Variants in GRID2 observed in about 807,000 individuals in gnomAD.
The protein encoded by GRID2 is glutamate ionotropic receptor delta type subunit 2.
Under a neutral mutation model 114.8 loss-of-function variants are expected in GRID2, and 33 were observed. That is an observed-to-expected ratio of 0.29 (90% confidence interval 0.22 to 0.38). The LOEUF is 0.38. Ranked by LOEUF, GRID2 falls within the 10% of genes least tolerant of loss-of-function variation. The pLI, the probability that GRID2 is intolerant of heterozygous loss-of-function variation, is 1.00. For synonymous variants in GRID2, 505 were observed against 449.9 expected, an observed-to-expected ratio of 1.12 and a Z score of -1.55; for missense variants, 1,184 against 1,257.7, an observed-to-expected ratio of 0.94 and a Z score of 0.89.
Position 92,456,880 on chromosome 4 carries a change from G to T in GRID2, c.89-133251G>T, listed in dbSNP as rs78433154. On this transcript the variant is annotated intron_variant, in intron 1 of 15. Transcript: ENST00000282020. ...CCTTTCTTGTGTACCTTAGACACACGTGCATTTTTCTTCTTAAATAACAGG... is the reference window on the plus strand; with the variant it reads ...CCTTTCTTGTGTACCTTAGACACACTTGCATTTTTCTTCTTAAATAACAGG... 3.2e-3 allele frequency among the ~76,000 whole-genome samples: 484 copies of T among 152,076 alleles called. 1 individual carries two copies. The highest frequency in any genetic ancestry group is 5.0e-3 in the Non-Finnish European group (343 of 67,960).
At chr4:92,919,772 G>T (rs184037506) in intron 2 of GRID2, among the ~76,000 whole-genome samples, 1 of 152,102 alleles carries the variant, frequency 6.6e-6, no homozygotes, top group African/African-American at 2.4e-5. Flanking sequence ...TTACTTCCAA[G>T]TATGTGGTCA....
intron 2 of GRID2, among the ~76,000 whole-genome samples, chr4:93,032,946 T>G (rs76895357): frequency 0.013 from 1,972 of 152,298 alleles, 43 homozygotes; most frequent in African/African-American, 0.045. Context: ...CTATAATTCT[T>G]ATTTTTCTTA....
At chr4:93,128,045 A>C (rs1168905771) in intron 4 of GRID2, among the ~76,000 whole-genome samples, 8 of 145,270 alleles carry the variant, frequency 5.5e-5, no homozygotes, top group Non-Finnish European at 7.5e-5. Context: ...AAAAAAAAAA[A>C]AAAAAAAAAA....
chr4:93,632,629 A>G (rs3864152), intron 14 of GRID2, among the ~76,000 whole-genome samples: 88,208 of 151,872 alleles, frequency 0.58, 26,358 homozygotes, highest in East Asian at 0.71. Flanking sequence ...GACTTGTAGT[A>G]TAGTTTGAAG....
intron 1 of GRID2, among the ~76,000 whole-genome samples, chr4:93,790,453 A>G (rs541924598): frequency 1.3e-5 from 2 of 152,094 alleles, no homozygotes; most frequent in Non-Finnish European, 2.9e-5. Flanking sequence ...CAAGTCATTT[A>G]TTTTAAACAC....
In GRID2 at chr4:93,629,739, C is replaced by A. The variant is rs1743076592; in HGVS notation, c.2360+3304C>A. On this transcript the variant is annotated intron_variant, in intron 14 of 15. Transcript: ENST00000282020. ...TGACTATATTTCTATAACACAACTT[C>A]TAAAATATTAAGTTACTTTAATATG... is the stretch of plus-strand genomic sequence containing the variant. 2.0e-5 allele frequency among the ~76,000 whole-genome samples: 3 copies of A among 151,988 alleles called. No individual in the cohort carries two copies. In the South Asian group the frequency reaches 6.2e-4, roughly 32 times the overall value.
chr4:93,599,671 C>T (rs186983754), intron 13 of GRID2, among the ~76,000 whole-genome samples: 33 of 152,224 alleles, frequency 2.2e-4, no homozygotes, highest in African/African-American at 7.5e-4. Context: ...ACCAAACTAA[C>T]CCTTTCACAA....
intron 1 of GRID2, among the ~76,000 whole-genome samples, chr4:92,379,266 C>T (rs991099484): frequency 4.6e-5 from 7 of 151,764 alleles, no homozygotes; most frequent in Non-Finnish European, 8.8e-5. Context: ...ATTTATCTTG[C>T]GTCTTGATGA....
chr4:93,129,800 C>G (rs968247263), intron 4 of GRID2, among the ~76,000 whole-genome samples: 1 of 115,974 alleles, frequency 8.6e-6, no homozygotes, highest in African/African-American at 4.0e-5. Context: ...AAAGTCATGT[C>G]TCCATTTAGA....
At chr4:92,376,343 T>C (rs536740409) in intron 1 of GRID2, among the ~76,000 whole-genome samples, 1 of 151,936 alleles carries the variant, frequency 6.6e-6, no homozygotes, top group Non-Finnish European at 1.5e-5. Flanking sequence ...GAAAATGACC[T>C]CCTTCATATC....
intron 2 of GRID2, among the ~76,000 whole-genome samples, chr4:92,943,565 T>G (rs1229941463): frequency 1.3e-5 from 2 of 151,974 alleles, no homozygotes; most frequent in Non-Finnish European, 2.9e-5. Context: ...GTCTGAAGCC[T>G]TCTTCTCTCA....
intron 1 of GRID2, among the ~76,000 whole-genome samples, chr4:92,549,137 A>C (rs1009325853): frequency 6.6e-6 from 1 of 152,008 alleles, no homozygotes; most frequent in Non-Finnish European, 1.5e-5. Context: ...AAAAAAAAAA[A>C]AATGAACACT....
At chr4:93,607,176 A>T (rs1740334441) in intron 13 of GRID2, among the ~76,000 whole-genome samples, 1 of 152,116 alleles carries the variant, frequency 6.6e-6, no homozygotes, top group South Asian at 2.1e-4. Flanking sequence ...AAATGATAAC[A>T]AATGGAATAC....
chr4:93,190,075 A>G (rs1188200607), intron 4 of GRID2, among the ~76,000 whole-genome samples: 1 of 152,164 alleles, frequency 6.6e-6, no homozygotes, highest in Non-Finnish European at 1.5e-5. Context: ...TATCTTTTAA[A>G]TTGGCATAGT....
intron 2 of GRID2, among the ~76,000 whole-genome samples, chr4:92,805,949 C>T (rs1465066828): frequency 6.6e-6 from 1 of 151,774 alleles, no homozygotes; most frequent in Non-Finnish European, 1.5e-5. Context: ...TTTCTCCCTA[C>T]TATCACCTTC....
At chr4:93,533,114 A>T (rs1731619622) in intron 13 of GRID2, among the ~76,000 whole-genome samples, 1 of 152,124 alleles carries the variant, frequency 6.6e-6, no homozygotes, top group Admixed American at 6.6e-5. Flanking sequence ...CCAAAACCCA[A>T]CAGTTGTCCC....
intron 4 of GRID2, among the ~76,000 whole-genome samples, chr4:93,151,799 C>G (rs1736762535): frequency 6.6e-6 from 1 of 152,052 alleles, no homozygotes; most frequent in African/African-American, 2.4e-5. Flanking sequence ...TTTCATCTCT[C>G]AAGATGATAT....
At chr4:92,324,936 A>G (rs561732681) in intron 1 of GRID2, among the ~76,000 whole-genome samples, 6 of 152,060 alleles carry the variant, frequency 3.9e-5, no homozygotes, top group African/African-American at 1.4e-4. Context: ...TTATCACACT[A>G]TGTAAGAAAA....
chr4:92,799,469 A>C (rs889921655), intron 2 of GRID2, among the ~76,000 whole-genome samples: 20 of 152,022 alleles, frequency 1.3e-4, no homozygotes. Context: ...CTGGAAGTCC[A>C]AGATCAAGAT....
Sources: allele counts gnomAD v4.1 joint callset (sites outside exome capture counted in the v4.1 genomes callset), GRCh38; gene constraint gnomAD v4.1.1; transcripts MANE v1.5; gene names NCBI Gene and HGNC (gene_info 2026-07-23, HGNC 2026-07-21).